The following RABGEF1 variants were observed in gnomAD, a reference collection of about 807,000 sequenced individuals.
RABGEF1 encodes RAB guanine nucleotide exchange factor 1.
Under a neutral mutation model 57.3 loss-of-function variants are expected in RABGEF1, and 26 were observed. That is an observed-to-expected ratio of 0.45 (90% CI 0.33 to 0.63). RABGEF1 has a LOEUF of 0.63. RABGEF1 is among the 20% of genes least tolerant of loss of function. The pLI is 0.02. For missense variants in RABGEF1, 464 were observed against 607.6 expected (o/e 0.76, Z 2.48); for synonymous variants, 185 against 210.7 (o/e 0.88, Z 1.06).
At chr7:66,738,731 CAAAAAA>C (rs546724986), upstream of RABGEF1, among the ~76,000 whole-genome samples, 3 of 95,004 alleles carry the variant, frequency 3.2e-5, no homozygotes, top group Non-Finnish European at 4.0e-5. Flanking sequence ...GACTCTAACT[CAAAAAA>C]AAAAAAAAAA....
chr7:66,710,780 T>C (rs1794669596), intron 1 of RABGEF1, among the ~76,000 whole-genome samples: 1 of 152,148 alleles, frequency 6.6e-6, no homozygotes, highest in African/African-American at 2.4e-5. Context: ...ATACAAGTCT[T>C]TTGTTGGGTA....
upstream of RABGEF1, among the ~76,000 whole-genome samples, chr7:66,736,957 C>T (rs753894307): frequency 2.0e-4 from 30 of 152,222 alleles, 1 homozygote; most frequent in Middle Eastern, 0.01. Flanking sequence ...TACACACACA[C>T]GCACACAAAT....
At chr7:66,669,138 G>A in the RABGEF1 span, 9 of 152,552 alleles carry the variant, frequency 5.9e-5, no homozygotes, top group African/African-American at 2.2e-4. Context: ...TGGTTTTCCA[G>A]TCTGTGAAAT....
intron 1 of RABGEF1, among the ~76,000 whole-genome samples, chr7:66,700,694 A>T (rs1392311654): frequency 1.3e-5 from 2 of 152,098 alleles, no homozygotes; most frequent in Non-Finnish European, 2.9e-5. Flanking sequence ...TCTTCACACC[A>T]CCCACCCTAA....
At chr7:66,662,693 G>A in the RABGEF1 span, among the ~76,000 whole-genome samples, 16 of 152,340 alleles carry the variant, frequency 1.1e-4, no homozygotes, top group East Asian at 2.7e-3. Flanking sequence ...AAAATCTGGC[G>A]CCAGGAAGAG....
chr7:66,728,135 A>G (rs61225743), intron 2 of RABGEF1, among the ~76,000 whole-genome samples: 11,746 of 152,094 alleles, frequency 0.077, 1,275 homozygotes, highest in African/African-American at 0.24. Flanking sequence ...GAAGGCCCTT[A>G]CAATCCTTCC....
intron 1 of RABGEF1, among the ~76,000 whole-genome samples, chr7:66,759,447 A>G (rs1395050281): frequency 2.0e-5 from 3 of 152,246 alleles, no homozygotes; most frequent in African/African-American, 7.2e-5. Flanking sequence ...TGTACACCTC[A>G]GAATCCAGGG....
At chr7:66,711,474 C>T (rs181929507) in intron 1 of RABGEF1, among the ~76,000 whole-genome samples, 26 of 151,694 alleles carry the variant, frequency 1.7e-4, no homozygotes, top group African/African-American at 6.0e-4. Flanking sequence ...AAACAATATC[C>T]AATATTCCAG....
intron 1 of RABGEF1, among the ~76,000 whole-genome samples, chr7:66,698,321 A>T (rs1325178106): frequency 6.6e-6 from 1 of 152,132 alleles, no homozygotes; most frequent in Admixed American, 6.6e-5. Context: ...CCTCCCTCTG[A>T]TCAGAACCCC....
intron 1 of RABGEF1, among the ~76,000 whole-genome samples, chr7:66,771,261 C>G (rs1807054579): frequency 6.6e-6 from 1 of 152,112 alleles, no homozygotes; most frequent in Admixed American, 6.5e-5. Context: ...GCCTCAGCCT[C>G]CTGAATAGCT....
chr7:66,763,664 T>C (rs1805001013), intron 1 of RABGEF1, among the ~76,000 whole-genome samples: 1 of 152,246 alleles, frequency 6.6e-6, no homozygotes, highest in Admixed American at 6.5e-5. Context: ...CTCTTAGTGC[T>C]CAGTGACCAC....
intron 1 of RABGEF1, among the ~76,000 whole-genome samples, chr7:66,744,661 C>T (rs1005909155): frequency 7.1e-6 from 1 of 141,320 alleles, no homozygotes; most frequent in Non-Finnish European, 1.5e-5. Context: ...GAGCCAGACT[C>T]CGTCTCAAAA....
chr7:66,796,268 A>G (rs1419266233), intron 5 of RABGEF1, among the ~76,000 whole-genome samples: 2 of 151,950 alleles, frequency 1.3e-5, no homozygotes, highest in Admixed American at 1.3e-4. Context: ...GTTTTTAGGG[A>G]TTCTTTATGG....
chr7:66,779,843 G>A (rs1291733098), intron 3 of RABGEF1, among the ~76,000 whole-genome samples: 3 of 152,074 alleles, frequency 2.0e-5, no homozygotes, highest in Non-Finnish European at 4.4e-5. Context: ...CCTATTGGCT[G>A]TTCAAACATA....
intron 4 of RABGEF1, among the ~76,000 whole-genome samples, chr7:66,795,266 T>C (rs946402411): frequency 3.3e-5 from 5 of 152,178 alleles, no homozygotes; most frequent in African/African-American, 1.2e-4. Flanking sequence ...GAGCCTAAAT[T>C]TTTGTGGCTG....
chr7:66,809,493 C>CAG lies in RABGEF1; in HGVS notation c.*210_*211insGA, dbSNP rs1562897555. On this transcript the variant is annotated 3_prime_UTR_variant, in exon 9 of 9. Coordinates refer to ENST00000284957, the MANE Select transcript of RABGEF1 (RefSeq NM_014504.3). ...CTTATTTGAGTTACTGATACAGATT[C>CAG]ATTTAAGGCTTGTGTGCAAATTTTG... 1 of 469,976 alleles carries CAG rather than the reference C, an allele frequency of 2.1e-6. No individual in the cohort carries two copies. Among genetic ancestry groups the CAG allele is most frequent in the Non-Finnish European group, 3.5e-6 (1 of 283,288 alleles). The allele number at this position is 469,976 out of a possible 1,614,324, so 29.1% of individuals were successfully genotyped here.
At chr7:66,795,702 C>T in intron 5 of RABGEF1, 110 bp downstream of exon 5, 1 of 992,162 alleles carries the variant, frequency 1.0e-6, no homozygotes, top group Non-Finnish European at 1.6e-6. Context: ...TAGACTTCAT[C>T]CTGTAACCTC....
chr7:66,690,908 ACTCTGT>A (rs894344604), intron 1 of RABGEF1, among the ~76,000 whole-genome samples: 5 of 147,252 alleles, frequency 3.4e-5, no homozygotes, highest in African/African-American at 1.3e-4. Flanking sequence ...ACATGGTGAA[ACTCTGT>A]CTCTACTAAA....
upstream of RABGEF1, among the ~76,000 whole-genome samples, chr7:66,735,752 G>C (rs1464346413): frequency 6.6e-6 from 1 of 152,130 alleles, no homozygotes; most frequent in Non-Finnish European, 1.5e-5. Context: ...CTTCTGCCAT[G>C]ATTGTAAGTT....
Sources: allele counts gnomAD v4.1 joint callset (sites outside exome capture counted in the v4.1 genomes callset), GRCh38; gene constraint gnomAD v4.1.1; transcripts MANE v1.5; gene names NCBI Gene and HGNC (gene_info 2026-07-23, HGNC 2026-07-21).